The following EEA1 variants were observed in gnomAD, a reference collection of about 807,000 sequenced individuals.
EEA1 encodes the protein early endosome antigen 1, 162kD.
Under a neutral mutation model 209.2 loss-of-function variants are expected in EEA1, and 111 were observed. That is an observed-to-expected ratio of 0.53 (90% CI 0.45 to 0.62). The LOEUF (loss-of-function observed/expected upper bound fraction) is 0.62. Ranked by LOEUF, EEA1 falls within the 20% of genes least tolerant of loss-of-function variation. The pLI, the probability that EEA1 is intolerant of heterozygous loss-of-function variation, is 0.00. For missense variants in EEA1, 1,343 were observed against 1,530.8 expected (o/e 0.88, Z 2.05); for synonymous variants, 536 against 540.6 (o/e 0.99, Z 0.12).
chr12:92,857,339 TC>T lies in EEA1; in HGVS notation c.301del (p.Glu101LysfsTer9), dbSNP rs753027411. The T allele has an allele frequency of 1.3e-6, 2 of 1,586,940 alleles. No individual in the cohort carries two copies. Among genetic ancestry groups the T allele is most frequent in the Non-Finnish European group, 1.7e-6 (2 of 1,169,902 alleles). On this transcript the variant is annotated frameshift_variant and splice_region_variant, in exon 5 of 29. Coordinates refer to ENST00000322349, the MANE Select transcript of EEA1 (RefSeq NM_003566.4). LOFTEE classifies it high-confidence loss of function. ...TAATTCTTCCGAGTACCATTTTTCTTCCTAATAAAAAAGATTTTTAATTAGT... is the reference window on the plus strand; with the variant it reads ...TAATTCTTCCGAGTACCATTTTTCTTCTAATAAAAAAGATTTTTAATTAGT... ...EVQDLQASLK[E>X]EKWYSEELKK...
intron 2 of EEA1, among the ~76,000 whole-genome samples, chr12:92,866,246 A>T (rs1372996047): frequency 6.7e-6 from 1 of 149,434 alleles, no homozygotes; most frequent in Non-Finnish European, 1.5e-5. Context: ...TAAATCAAAG[A>T]TTTTTTTAAA....
chr12:92,902,205 G>A (rs1448488090), intron 1 of EEA1, among the ~76,000 whole-genome samples: 1 of 151,910 alleles, frequency 6.6e-6, no homozygotes, highest in Non-Finnish European at 1.5e-5. Flanking sequence ...ACAAAAAAAA[G>A]AATTTCAAAT....
chr12:92,833,701 T>C (rs1876769925), intron 10 of EEA1, among the ~76,000 whole-genome samples: 1 of 152,176 alleles, frequency 6.6e-6, no homozygotes, highest in Non-Finnish European at 1.5e-5. Flanking sequence ...TGCAGTGTGC[T>C]GGAAGGGGAT....
At chr12:92,917,535 A>G (rs886158992) in intron 1 of EEA1, among the ~76,000 whole-genome samples, 2 of 150,458 alleles carry the variant, frequency 1.3e-5, no homozygotes, top group Non-Finnish European at 3.0e-5. Context: ...TTTACAGACA[A>G]GCAAATGCTG....
rs575655046 is a variant in EEA1 at position 92,904,066 on chromosome 12, G to A, written c.25-12345C>T. Among the ~76,000 whole-genome samples, 157 of 151,862 alleles carry A rather than the reference G, an allele frequency of 1.0e-3. 1 individual carries two copies. The highest frequency in any genetic ancestry group is 3.5e-3 in the African/African-American group (144 of 41,420). ...CAACCCCCGCCTCCCGGGTTCAAGC[G>A]ATTCTCCTGCCTCAGCCTCCTGAGT... is the stretch of plus-strand genomic sequence containing the variant. On this transcript the variant is annotated intron_variant, in intron 1 of 28. Coordinates refer to ENST00000322349, the MANE Select transcript of EEA1 (RefSeq NM_003566.4).
At position 92,800,120 on chromosome 12, in the gene EEA1, G is replaced by A. The variant is rs1043397321; in HGVS notation, c.2773-1034C>T. On this transcript the variant is annotated intron_variant, in intron 20 of 28. Coordinates refer to ENST00000322349, the MANE Select transcript of EEA1 (RefSeq NM_003566.4). ...ACCTGTAATCCCAGCTACTTGGGAG[G>A]CTGAGGCAGGAGAATCGCTTGAACT... Among the ~76,000 whole-genome samples, 3 of 152,204 alleles carry A rather than the reference G, an allele frequency of 2.0e-5. No individual in the cohort carries two copies. In the South Asian group the frequency reaches 6.2e-4, roughly 32 times the overall value.
At chr12:92,793,787 A>C (rs1262681446) in intron 21 of EEA1, among the ~76,000 whole-genome samples, 1 of 152,194 alleles carries the variant, frequency 6.6e-6, no homozygotes, top group Non-Finnish European at 1.5e-5. Flanking sequence ...ACTACTTTAA[A>C]GTTCATATGG....
At chr12:92,834,437 C>A (rs944118919) in intron 10 of EEA1, among the ~76,000 whole-genome samples, 2 of 150,036 alleles carry the variant, frequency 1.3e-5, no homozygotes, top group African/African-American at 2.5e-5. Context: ...CCTAGCTACC[C>A]GAGAGGCTAA....
At chr12:92,790,703 G>A (rs1467039290) in intron 21 of EEA1, among the ~76,000 whole-genome samples, 1 of 152,186 alleles carries the variant, frequency 6.6e-6, no homozygotes, top group Non-Finnish European at 1.5e-5. Flanking sequence ...CACTCTTCAG[G>A]ATATTACCCA....
intron 1 of EEA1, among the ~76,000 whole-genome samples, chr12:92,904,782 G>A (rs1880300996): frequency 6.6e-6 from 1 of 152,204 alleles, no homozygotes; most frequent in Non-Finnish European, 1.5e-5. Flanking sequence ...GGGAAGGTCT[G>A]CAGGGCTCCC....
At chr12:92,881,390 A>T (rs1338272567) in intron 2 of EEA1, among the ~76,000 whole-genome samples, 1 of 152,064 alleles carries the variant, frequency 6.6e-6, no homozygotes, top group Non-Finnish European at 1.5e-5. Context: ...CCTGGGCAAC[A>T]GAGTGAGATG....
chr12:92,891,157 A>C (rs985668090), intron 2 of EEA1, among the ~76,000 whole-genome samples: 29 of 151,986 alleles, frequency 1.9e-4, no homozygotes, highest in South Asian at 1.7e-3. Flanking sequence ...TTACTTATTT[A>C]CAATAATTTC....
intron 7 of EEA1, among the ~76,000 whole-genome samples, chr12:92,852,604 A>G (rs1364011588): frequency 4.6e-5 from 7 of 152,138 alleles, no homozygotes; most frequent in African/African-American, 1.7e-4. Context: ...CATTTATACT[A>G]CATTATTTAC....
chr12:92,836,463 TAA>T (rs1876935463), intron 10 of EEA1, among the ~76,000 whole-genome samples: 1 of 152,180 alleles, frequency 6.6e-6, no homozygotes, highest in Non-Finnish European at 1.5e-5. Context: ...GAAATGAATA[TAA>T]AAAGAGTGCC....
Position 92,771,696 on chromosome 12 carries a change from T to G in EEA1, c.*4315A>C, listed in dbSNP as rs1873437498. 6.6e-6 allele frequency: 1 copy of G among 151,878 alleles called. No individual in the cohort carries two copies. Among genetic ancestry groups the G allele is most frequent in the Admixed American group, 6.6e-5 (1 of 15,220 alleles). 9.4% of individuals were successfully genotyped at this position (151,878 alleles called of 1,614,324 possible). A position where few individuals can be genotyped will look rare whatever the true frequency, so the allele number is the denominator to read the frequency against. On this transcript the variant is annotated 3_prime_UTR_variant, in exon 29 of 29. Coordinates refer to ENST00000322349, the MANE Select transcript of EEA1 (RefSeq NM_003566.4). ...TAAAGAAATTTCTGGTTAAAAAAAA[T>G]TTTTACATTAACAATCATCTTGCAA...
chr12:92,835,354 C>T (rs1876870010), intron 10 of EEA1: 1 of 303,818 alleles, frequency 3.3e-6, no homozygotes, highest in Non-Finnish European at 6.5e-6. Flanking sequence ...AGAAAGTAAC[C>T]AACTAATCCC....
At chr12:92,778,200 G>C (rs1361549069) in intron 25 of EEA1, 21 bp from the exon 26 acceptor site, 2 of 1,583,488 alleles carry the variant, frequency 1.3e-6, no homozygotes, top group Non-Finnish European at 1.7e-6. Flanking sequence ...GGAAAAGTTG[G>C]GGGGAAATCT....
At chr12:92,917,742 C>A (rs1379347996) in intron 1 of EEA1, among the ~76,000 whole-genome samples, 20 of 126,010 alleles carry the variant, frequency 1.6e-4, no homozygotes, top group African/African-American at 5.0e-4. Context: ...TCACACATAA[C>A]AATATTAACT....
At chr12:92,826,114 G>T in intron 13 of EEA1, 52 bp downstream of exon 13, 1 of 1,584,588 alleles carries the variant, frequency 6.3e-7, no homozygotes, top group Non-Finnish European at 8.6e-7. Context: ...TATATTCTAT[G>T]TAATGGTAAT....
Sources: allele counts gnomAD v4.1 joint callset (sites outside exome capture counted in the v4.1 genomes callset), GRCh38; gene constraint gnomAD v4.1.1; transcripts MANE v1.5; gene names NCBI Gene and HGNC (gene_info 2026-07-23, HGNC 2026-07-21).